PCDHA12: variants seen among roughly 807,000 people sequenced by gnomAD.
PCDHA12 encodes protocadherin alpha 12.
A neutral mutation model predicts 60.0 loss-of-function variants in PCDHA12; 44 were observed. That is an observed-to-expected ratio of 0.73 (90% CI 0.58 to 0.94). The LOEUF (loss-of-function observed/expected upper bound fraction) is 0.94. PCDHA12 is among the 40% of genes least tolerant of loss of function. The pLI, the probability that PCDHA12 is intolerant of heterozygous loss-of-function variation, is 0.00. For synonymous variants in PCDHA12, 569 were observed against 553.0 expected (o/e 1.03, Z -0.40); for missense variants, 1,276 against 1,239.7 (o/e 1.03, Z -0.44).
intron 3 of PCDHA12, among the ~76,000 whole-genome samples, chr5:141,003,290 G>A (rs1302166316): frequency 1.3e-5 from 2 of 152,176 alleles, no homozygotes; most frequent in Non-Finnish European, 2.9e-5. Flanking sequence ...TTGGATTATA[G>A]GATTACATGA....
intron 1 of PCDHA12, among the ~76,000 whole-genome samples, chr5:140,958,989 A>C (rs2095457963): frequency 6.6e-6 from 1 of 152,064 alleles, no homozygotes; most frequent in Non-Finnish European, 1.5e-5. Flanking sequence ...TATTGTTGCT[A>C]ATCTTTTACT....
At position 141,010,210 on chromosome 5, in the gene PCDHA12, G is replaced by A. The variant is rs2098416466; in HGVS notation, c.*273G>A. ...AGTTTCCTTTCTCCTCCGCCGCAAA[G>A]GAGAGGCTTCCCAGCCCCGCCAGTG... On this transcript the variant is annotated 3_prime_UTR_variant, in exon 4 of 4. Transcript: ENST00000398631. 4 of 1,551,736 alleles carry A rather than the reference G, an allele frequency of 2.6e-6. No homozygotes were observed. Among genetic ancestry groups the A allele is most frequent in the African/African-American group, 1.4e-5 (1 of 73,050 alleles).
At position 140,927,496 on chromosome 5, in the gene PCDHA12, G is replaced by A. The variant is rs1206944698; in HGVS notation, c.2367+49657G>A. ...CGAACAGCGCGCCACCCACCTGCTG[G>A]TGCTTACAGCTCGGGACGGCGGGCT... On this transcript the variant is annotated intron_variant, in intron 1 of 3. Coordinates refer to ENST00000398631, the MANE Select transcript of PCDHA12 (RefSeq NM_018903.4). 10 of 1,614,026 alleles carry A rather than the reference G, an allele frequency of 6.2e-6. No individual in the cohort carries two copies. In the African/African-American group the frequency reaches 8.0e-5, roughly 13 times the overall value.
At chr5:140,890,627 G>A (rs1562851697) in intron 1 of PCDHA12, among the ~76,000 whole-genome samples, 1 of 152,056 alleles carries the variant, frequency 6.6e-6, no homozygotes, top group Non-Finnish European at 1.5e-5. Flanking sequence ...AGAAAATTAA[G>A]CATGTATCCT....
In PCDHA12 at chr5:140,987,075, G is replaced by A. The variant is rs564788093; in HGVS notation, c.2515+4512G>A. On this transcript the variant is annotated intron_variant, in intron 3 of 3. Coordinates refer to ENST00000398631, the MANE Select transcript of PCDHA12 (RefSeq NM_018903.4). ...CTAAAGTTACAAAAATGAGCTGGGC[G>A]TGGTGGCAGGTGCCTGTAATCCCAG... is the stretch of plus-strand genomic sequence containing the variant. Among the ~76,000 whole-genome samples the A allele has an allele frequency of 3.7e-4, 57 of 152,124 alleles. No individual in the cohort carries two copies. In the East Asian group the frequency reaches 9.9e-3, roughly 26 times the overall value.
chr5:140,895,892 A>T (rs1554186717), intron 1 of PCDHA12, among the ~76,000 whole-genome samples: 1 of 152,080 alleles, frequency 6.6e-6, no homozygotes, highest in Non-Finnish European at 1.5e-5. Flanking sequence ...GCTCACTGCA[A>T]CCTCCGCGTC....
chr5:140,927,530 GC>G, intron 1 of PCDHA12: 1 of 1,614,080 alleles, frequency 6.2e-7, no homozygotes, highest in Non-Finnish European at 8.5e-7. Flanking sequence ...CTACCTGCCC[GC>G]TCAGGAGACG....
intron 1 of PCDHA12, chr5:140,967,345 CGAGCTG>C (rs1443872198): frequency 1.2e-6 from 2 of 1,607,634 alleles, no homozygotes; most frequent in Non-Finnish European, 1.7e-6. Context: ...GCGAGCACTT[CGAGCTG>C]GACCTTAAGC....
At chr5:140,883,551 G>C (rs375469569) in intron 1 of PCDHA12, 16 of 1,614,234 alleles carry the variant, frequency 9.9e-6, no homozygotes, top group Middle Eastern at 1.7e-4. Flanking sequence ...GTGACCGCGC[G>C]GGACGGGGGC....
intron 3 of PCDHA12, among the ~76,000 whole-genome samples, chr5:140,985,406 GA>G (rs1554247033): frequency 6.6e-6 from 1 of 152,136 alleles, no homozygotes; most frequent in Non-Finnish European, 1.5e-5. Flanking sequence ...TGTTCCCCTG[GA>G]AATGGAGTGA....
chr5:140,962,023 A>G (rs565113928), intron 1 of PCDHA12, among the ~76,000 whole-genome samples: 3 of 152,062 alleles, frequency 2.0e-5, no homozygotes, highest in African/African-American at 7.2e-5. Flanking sequence ...AGCTGGGACT[A>G]CAGGCACCCA....
chr5:140,882,596 G>C, intron 1 of PCDHA12: 1 of 1,614,248 alleles, frequency 6.2e-7, no homozygotes, highest in Non-Finnish European at 8.5e-7. Context: ...GGAGGTGATC[G>C]TGGACAGGCC....
At chr5:140,983,257 A>C (rs2097036264) in intron 3 of PCDHA12, among the ~76,000 whole-genome samples, 1 of 152,214 alleles carries the variant, frequency 6.6e-6, no homozygotes, top group Non-Finnish European at 1.5e-5. Context: ...GTTGTGTAAA[A>C]AACCTAATGG....
chr5:140,926,835 T>C (rs2083586569), intron 1 of PCDHA12: 4 of 1,505,630 alleles, frequency 2.7e-6, no homozygotes, highest in East Asian at 2.3e-5. Context: ...GTCCGGAGCA[T>C]GGTCCTGGGT....
intron 1 of PCDHA12, among the ~76,000 whole-genome samples, chr5:140,940,389 AT>A (rs2092602183): frequency 1.3e-5 from 2 of 151,932 alleles, no homozygotes; most frequent in Admixed American, 6.6e-5. Flanking sequence ...AATTTTGGTT[AT>A]TGTGTTTTTC....
At chr5:140,993,023 G>C (rs2097537603) in intron 3 of PCDHA12, among the ~76,000 whole-genome samples, 1 of 152,146 alleles carries the variant, frequency 6.6e-6, no homozygotes. Flanking sequence ...AGCATCCCCT[G>C]TGGGCTCCGT....
At chr5:140,966,663 A>C in intron 1 of PCDHA12, 1 of 1,237,556 alleles carries the variant, frequency 8.1e-7, no homozygotes, top group East Asian at 3.0e-5. Context: ...GTGGGGGAGC[A>C]GGCGCAGGGT....
rs1238131938 is a variant in PCDHA12, at chr5:141,010,564, G to A, written c.*627G>A. Reference sequence around the variant, plus strand: ...GAGACAAAACTACCCCCACTGACAAGGCTTTAGGAGACCCTAAAGTCTGTT... The same window carrying A: ...GAGACAAAACTACCCCCACTGACAAAGCTTTAGGAGACCCTAAAGTCTGTT... On this transcript the variant is annotated 3_prime_UTR_variant, in exon 4 of 4. Coordinates refer to ENST00000398631, the MANE Select transcript of PCDHA12 (RefSeq NM_018903.4). 1 of 289,402 alleles carries A rather than the reference G, an allele frequency of 3.5e-6. No homozygotes were observed. Among genetic ancestry groups the A allele is most frequent in the Non-Finnish European group, 6.5e-6 (1 of 154,048 alleles). 17.9% of individuals were successfully genotyped at this position (289,402 alleles called of 1,614,324 possible).
In PCDHA12 at chr5:140,926,779, C is replaced by T. The variant is rs1262086128; in HGVS notation, c.2367+48940C>T. 8 of 1,398,696 alleles carry T rather than the reference C, an allele frequency of 5.7e-6. No individual in the cohort carries two copies. In the South Asian group the frequency reaches 1.2e-4, roughly 21 times the overall value. 86.6% of individuals were successfully genotyped at this position (1,398,696 alleles called of 1,614,324 possible). A position where few individuals can be genotyped will look rare whatever the true frequency, so the allele number is the denominator to read the frequency against. On this transcript the variant is annotated intron_variant, in intron 1 of 3. Transcript: ENST00000398631. ...CTGAGTATCCAGCCCGCAGCAGTGACGGCCGGCAGGAGCGTGCTCTTCCCC... is the reference window on the plus strand; with the variant it reads ...CTGAGTATCCAGCCCGCAGCAGTGATGGCCGGCAGGAGCGTGCTCTTCCCC...
Sources: allele counts gnomAD v4.1 joint callset (sites outside exome capture counted in the v4.1 genomes callset), GRCh38; gene constraint gnomAD v4.1.1; transcripts MANE v1.5; gene names NCBI Gene and HGNC (gene_info 2026-07-23, HGNC 2026-07-21).